Variants in TMEM82 observed in about 807,000 individuals in gnomAD.
TMEM82 encodes the protein transmembrane protein 82.
Under a neutral mutation model 29.2 loss-of-function variants are expected in TMEM82, and 30 were observed. The observed-to-expected ratio is 1.03, with a 90% CI of 0.77 to 1.39. The LOEUF is 1.39. Among genes scored for constraint, TMEM82 ranks in the 40% most tolerant of loss-of-function variants. The probability of loss-of-function intolerance (pLI) is 0.00; values close to 1 mark genes in which losing one functional copy is unlikely to be tolerated. For synonymous variants in TMEM82, 221 were observed against 225.4 expected, an observed-to-expected ratio of 0.98 and a Z score of 0.18; for missense variants, 442 against 447.7, an observed-to-expected ratio of 0.99 and a Z score of 0.12.
At position 15,744,693 on chromosome 1, in the gene TMEM82, G is replaced by C; in HGVS notation, c.757+113G>C. ...CACTCTTGCCATCCCAGAGAGCCTG[G>C]TCAGGACAGAGGCTGTGTGGCGGGG... On this transcript the variant is annotated intron_variant, in intron 4 of 5. Coordinates refer to ENST00000375782, the MANE Select transcript of TMEM82 (RefSeq NM_001013641.3). The surrounding 1 kb of genome is among the most constrained non-coding windows in gnomAD (Gnocchi z 5.2). The C allele has an allele frequency of 7.6e-7, 1 of 1,310,760 alleles. No homozygotes were observed. 81.2% of individuals were successfully genotyped at this position (1,310,760 alleles called of 1,614,324 possible).
At chr1:15,746,772 AG>A in intron 4 of TMEM82, 94 bp from the exon 5 acceptor site, 5 of 1,042,466 alleles carry the variant, frequency 4.8e-6, no homozygotes, top group Non-Finnish European at 5.6e-6. Flanking sequence ...GCTGCACGGG[AG>A]GGGAAGGCTC....
intron 4 of TMEM82, among the ~76,000 whole-genome samples, chr1:15,746,428 A>G (rs938555103): frequency 4.0e-5 from 6 of 151,156 alleles, no homozygotes; most frequent in African/African-American, 1.5e-4. Context: ...AAAAAAAAAA[A>G]AGAACAGAAG....
intron 4 of TMEM82, among the ~76,000 whole-genome samples, chr1:15,746,325 A>G (rs2148396161): frequency 6.6e-6 from 1 of 151,794 alleles, no homozygotes; most frequent in South Asian, 2.1e-4. Context: ...CTCTACTAAA[A>G]ATACAAAAAA....
intron 4 of TMEM82, among the ~76,000 whole-genome samples, chr1:15,745,753 G>A (rs1376322187): frequency 6.6e-6 from 1 of 151,814 alleles, no homozygotes; most frequent in Non-Finnish European, 1.5e-5. Context: ...AATTAGCCAG[G>A]TGTGGTGGCA....
Position 15,744,049 on chromosome 1 carries a change from C to G in TMEM82, c.337-111C>G. 1 of 1,092,504 alleles carries G rather than the reference C, an allele frequency of 9.2e-7. No individual in the cohort carries two copies. The highest frequency in any genetic ancestry group is 1.3e-6 in the Non-Finnish European group (1 of 789,906). The allele number at this position is 1,092,504 out of a possible 1,614,324, so 67.7% of individuals were successfully genotyped here. The stretch of plus-strand genomic sequence containing the variant: ...AGGGCTTCATCTGAAGCCGATGTGG[C>G]CCCTTCGGGAACCATCCCCAAGGTC... On this transcript the variant is annotated intron_variant, in intron 3 of 5. Transcript: ENST00000375782. The surrounding 1 kb of genome is among the most constrained non-coding windows in gnomAD (Gnocchi z 5.2).
rs7511651 is a variant in TMEM82 at position 15,744,376 on chromosome 1, C to T, written c.553C>T (p.Arg185Cys). Residue 185 changes from arginine (R) to cysteine (C), a missense_variant, in exon 4 of 6, where the codon CGC becomes TGC. Coordinates refer to ENST00000375782, the MANE Select transcript of TMEM82 (RefSeq NM_001013641.3). The surrounding 1 kb of genome is among the most constrained non-coding windows in gnomAD (Gnocchi z 5.2). ...CRLYELHSSQRYCGVCLGLLA... is the reference protein window; with the variant it reads ...CRLYELHSSQCYCGVCLGLLA... ...CCTCTACGAGCTGCACAGCAGCCAGCGCTACTGTGGGGTGTGCCTGGGCCT... is the reference window on the plus strand; with the variant it reads ...CCTCTACGAGCTGCACAGCAGCCAGTGCTACTGTGGGGTGTGCCTGGGCCT... The T allele has an allele frequency of 0.081, 126,730 of 1,561,442 alleles. 6,325 individuals are homozygous for T. Among genetic ancestry groups the T allele is most frequent in the African/African-American group, 0.23 (17,348 of 74,056 alleles).
chr1:15,742,785 C>T, intron 1 of TMEM82, 50 bp from the exon 2 acceptor site: 1 of 1,583,032 alleles, frequency 6.3e-7, no homozygotes, highest in East Asian at 2.3e-5. Flanking sequence ...GAAGCCTGCC[C>T]TCCTAACACC....
At position 15,742,964 on chromosome 1, in the gene TMEM82, C is replaced by T; in HGVS notation, c.162-56C>T. ...TGGCTGGGGGCACGGGGACCCCCAC[C>T]AGGGGTCGAAGGTGGCAGTTCTGCA... On this transcript the variant is annotated intron_variant, in intron 2 of 5. Coordinates refer to ENST00000375782, the MANE Select transcript of TMEM82 (RefSeq NM_001013641.3). The T allele has an allele frequency of 6.2e-6, 10 of 1,605,492 alleles. No homozygotes were observed. In the South Asian group the frequency reaches 7.7e-5, roughly 12 times the overall value.
At chr1:15,746,831 T>G in intron 4 of TMEM82, 36 bp from the exon 5 acceptor site, 1 of 1,526,108 alleles carries the variant, frequency 6.6e-7, no homozygotes. Flanking sequence ...GTCCGGGGTG[T>G]GTGGTCGGAC....
In TMEM82 at chr1:15,747,767, C is replaced by A; in HGVS notation, c.*135C>A. ...CAGAGCTCAGCACAGGCCCTGGGAG[C>A]CCCGAGAAGGGAAGGCAGGATTTGG... On this transcript the variant is annotated 3_prime_UTR_variant, in exon 6 of 6. Coordinates refer to ENST00000375782, the MANE Select transcript of TMEM82 (RefSeq NM_001013641.3). 1 of 729,402 alleles carries A rather than the reference C, an allele frequency of 1.4e-6. No homozygotes were observed. The highest frequency in any genetic ancestry group is 2.1e-6 in the Non-Finnish European group (1 of 473,176). 45.2% of individuals were successfully genotyped at this position (729,402 alleles called of 1,614,324 possible). A position where few individuals can be genotyped will look rare whatever the true frequency, so the allele number is the denominator to read the frequency against.
Position 15,744,591 on chromosome 1 carries a change from CG to C in TMEM82, c.757+15del. 1 of 1,594,618 alleles carries C rather than the reference CG, an allele frequency of 6.3e-7. No homozygotes were observed. The highest frequency in any genetic ancestry group is 2.2e-5 in the East Asian group (1 of 44,596). ...TCATCTACATGCAGGGTGAGCGCTGCGGGGCCTGCTCCATTCAATCCACGCA... is the reference window on the plus strand; with the variant it reads ...TCATCTACATGCAGGGTGAGCGCTGCGGGCCTGCTCCATTCAATCCACGCA... On this transcript the variant is annotated intron_variant, in intron 4 of 5. Transcript: ENST00000375782. The surrounding 1 kb of genome is among the most constrained non-coding windows in gnomAD (Gnocchi z 5.2).
At chr1:15,746,765 G>A in intron 4 of TMEM82, 102 bp from the exon 5 acceptor site, 1 of 966,850 alleles carries the variant, frequency 1.0e-6, no homozygotes, top group Non-Finnish European at 1.5e-6. Context: ...GAGGAGGGCT[G>A]CACGGGAGGG....
rs893830518 is a variant in TMEM82 at position 15,744,112 on chromosome 1, T to C, written c.337-48T>C. ...GGCTTCCTGTGGTGGGCAGCACCTG[T>C]GGTGAGGCAGCCCCCACATCTCGGC... On this transcript the variant is annotated intron_variant, in intron 3 of 5. Transcript: ENST00000375782. The surrounding 1 kb of genome is among the most constrained non-coding windows in gnomAD (Gnocchi z 5.2). 5.5e-6 allele frequency: 8 copies of C among 1,450,052 alleles called. No individual in the cohort carries two copies. The highest frequency in any genetic ancestry group is 7.3e-6 in the Non-Finnish European group (8 of 1,101,502). 89.8% of individuals were successfully genotyped at this position (1,450,052 alleles called of 1,614,324 possible).
intron 4 of TMEM82, among the ~76,000 whole-genome samples, 182 bp from the exon 5 acceptor site, chr1:15,746,685 T>G (rs2068338325): frequency 6.6e-6 from 1 of 151,644 alleles, no homozygotes; most frequent in East Asian, 1.9e-4. Context: ...GGGCAGTGAG[T>G]CCTGGAGGCA....
intron 3 of TMEM82, among the ~76,000 whole-genome samples, chr1:15,743,732 T>A (rs896300246): frequency 6.6e-6 from 1 of 152,190 alleles, no homozygotes; most frequent in Non-Finnish European, 1.5e-5. Flanking sequence ...GGCAGGCGGA[T>A]CACCTGAGGT....
At position 15,744,426 on chromosome 1, in the gene TMEM82, C is replaced by T. The variant is rs2068318523; in HGVS notation, c.603C>T (p.Pro201=). The T allele has an allele frequency of 6.3e-7, 1 of 1,592,970 alleles. No homozygotes were observed. The highest frequency in any genetic ancestry group is 8.5e-7 in the Non-Finnish European group (1 of 1,170,432). The part of the protein sequence containing the change: ...LGLLAHAHGL[P]QLLGRALAIA... The stretch of plus-strand genomic sequence containing the variant: ...TGCTGGCCCATGCACATGGCCTCCC[C>T]CAGCTGCTGGGCCGTGCCCTGGCCA... Residue 201 remains proline, a synonymous_variant, in exon 4 of 6, where the codon CCC becomes CCT. Coordinates refer to ENST00000375782, the MANE Select transcript of TMEM82 (RefSeq NM_001013641.3). The surrounding 1 kb of genome is among the most constrained non-coding windows in gnomAD (Gnocchi z 5.2).
intron 4 of TMEM82, 81 bp from the exon 5 acceptor site, chr1:15,746,786 C>T: frequency 8.0e-7 from 1 of 1,242,730 alleles, no homozygotes; most frequent in Non-Finnish European, 1.1e-6. Flanking sequence ...GAAGGCTCAT[C>T]CTGTGGAGGG....
intron 3 of TMEM82, among the ~76,000 whole-genome samples, chr1:15,743,500 G>T (rs1277639406): frequency 1.3e-5 from 2 of 152,254 alleles, no homozygotes; most frequent in Admixed American, 1.3e-4. Context: ...AGCCACAGGG[G>T]TAAAGGTTTG....
At chr1:15,747,482 G>A (rs901222370) in intron 5 of TMEM82, 64 bp from the exon 6 acceptor site, 23 of 1,416,784 alleles carry the variant, frequency 1.6e-5, no homozygotes, top group Non-Finnish European at 2.2e-5. Flanking sequence ...CCGGGTCACT[G>A]GAGGCCCAAG....
Sources: allele counts gnomAD v4.1 joint callset (sites outside exome capture counted in the v4.1 genomes callset), GRCh38; gene constraint gnomAD v4.1.1; non-coding constraint Gnocchi (gnomAD v3.1); transcripts MANE v1.5; gene names NCBI Gene and HGNC (gene_info 2026-07-23, HGNC 2026-07-21).